The following CDC34 variants were observed in gnomAD, a reference collection of about 807,000 sequenced individuals.
CDC34 encodes the protein cell division cycle 34, ubiquitin conjugating enzyme, also known as ubiquitin-conjugating enzyme E2 R1.
Under a neutral mutation model 26.8 loss-of-function variants are expected in CDC34, and 18 were observed. The ratio of observed to expected loss-of-function variants is 0.67; its 90% confidence interval spans 0.47 to 1.00. The LOEUF (loss-of-function observed/expected upper bound fraction) is 1.00. Among genes scored for constraint, CDC34 ranks in the 50% least tolerant of loss-of-function variants. The pLI is 0.00. For synonymous variants in CDC34, 178 were observed against 147.5 expected (o/e 1.21, Z -1.50); for missense variants, 280 against 334.5 (o/e 0.84, Z 1.27).
rs919721981 is a variant in CDC34 at position 541,957 on chromosome 19, G to A, written c.*405G>A. 11 of 163,998 alleles carry A rather than the reference G, an allele frequency of 6.7e-5. No homozygotes were observed. The highest frequency in any genetic ancestry group is 4.2e-4 in the Admixed American group (7 of 16,790). 10.2% of individuals were successfully genotyped at this position (163,998 alleles called of 1,614,324 possible). On this transcript the variant is annotated 3_prime_UTR_variant, in exon 5 of 5. Coordinates refer to ENST00000215574, the MANE Select transcript of CDC34 (RefSeq NM_004359.2). ...CTGGGAGGCCCAGGTGTAGCGGTCC[G>A]AGGGGCCCGGTCCTGCCTGTCAGCT...
At chr19:537,392 A>G (rs1469406815) in intron 4 of CDC34, among the ~76,000 whole-genome samples, 2 of 152,020 alleles carry the variant, frequency 1.3e-5, no homozygotes, top group African/African-American at 2.4e-5. Flanking sequence ...TCTCTCTGTC[A>G]CCCAGGCTGG....
chr19:533,260 C>G (rs946234736), intron 1 of CDC34, among the ~76,000 whole-genome samples: 1 of 152,172 alleles, frequency 6.6e-6, no homozygotes, highest in African/African-American at 2.4e-5. Context: ...TGCCAAGAGC[C>G]TGGACACGAC....
chr19:533,364 C>T (rs549728138), intron 1 of CDC34, among the ~76,000 whole-genome samples: 1 of 152,340 alleles, frequency 6.6e-6, no homozygotes, highest in African/African-American at 2.4e-5. Flanking sequence ...GTCTGCTCTC[C>T]GAGCTAATTA....
chr19:537,140 A>T lies in CDC34; in HGVS notation c.490A>T (p.Ile164Phe). 1 of 1,613,262 alleles carries T rather than the reference A, an allele frequency of 6.2e-7. No individual in the cohort carries two copies. The highest frequency in any genetic ancestry group is 8.5e-7 in the Non-Finnish European group (1 of 1,179,896). The part of the protein sequence containing the change: ...SKGKDREYTD[I>F]IRKQVLGTKV... ...GGGGAAGGATCGGGAGTACACAGAC[A>T]TCATCCGGTGAGGGCGGGCGGGGGC... is the stretch of plus-strand genomic sequence containing the variant. Residue 164 changes from isoleucine (I) to phenylalanine (F), a missense_variant, in exon 4 of 5, where the codon ATC (isoleucine) becomes TTC (phenylalanine). Coordinates refer to ENST00000215574, the MANE Select transcript of CDC34 (RefSeq NM_004359.2).
intron 1 of CDC34, among the ~76,000 whole-genome samples, chr19:535,284 C>T (rs1425197744): frequency 1.3e-5 from 2 of 152,258 alleles, no homozygotes; most frequent in East Asian, 3.8e-4. Flanking sequence ...GACCGGACAC[C>T]TGAGGGCAGA....
chr19:540,089 TTTAGAATCCGGAGGCCGGGGTGGCCAGGC>T (rs2145852651), intron 4 of CDC34, among the ~76,000 whole-genome samples: 1 of 99,162 alleles, frequency 1.0e-5, no homozygotes, highest in Non-Finnish European at 2.3e-5. Context: ...GCCCCCCAGG[TTTAGAATCCGGAGGCCGGGGTGGCCAGGC>T]CCCCCACGTT....
rs890788008 is a variant in CDC34 at position 537,222 on chromosome 19, G to A, written c.497+75G>A. ...CACCCCGGCCCCTGGTCCCACGGCC[G>A]CCCAGCCCCACCTTCCTGGTGAGGG... On this transcript the variant is annotated intron_variant, in intron 4 of 4. Transcript: ENST00000215574. The A allele has an allele frequency of 1.2e-5, 19 of 1,539,664 alleles. No homozygotes were observed. The African/African-American group carries it at 1.9e-4, about 15-fold the overall frequency.
In CDC34 at chr19:541,685, C is replaced by T. The variant is rs7150; in HGVS notation, c.*133C>T. On this transcript the variant is annotated 3_prime_UTR_variant, in exon 5 of 5. Coordinates refer to ENST00000215574, the MANE Select transcript of CDC34 (RefSeq NM_004359.2). ...GTTGTTTCGTTTTGGCTTTTTCTCC[C>T]TCCCCATGTCTGTTCTGGGTTTTCA... The T allele has an allele frequency of 0.43, 429,634 of 989,502 alleles. 98,942 individuals carry two copies. Among genetic ancestry groups the T allele is most frequent in the East Asian group, 0.59 (20,911 of 35,390 alleles). 61.3% of individuals were successfully genotyped at this position (989,502 alleles called of 1,614,324 possible).
chr19:538,499 C>T (rs146359513), intron 4 of CDC34, among the ~76,000 whole-genome samples: 4 of 151,280 alleles, frequency 2.6e-5, no homozygotes, highest in Admixed American at 1.3e-4. Context: ...CTTAATGGTT[C>T]CTGCTCTTCC....
Position 537,651 on chromosome 19 carries a change from C to CTTTTT in CDC34, c.497+521_497+525dup, listed in dbSNP as rs773623358. On this transcript the variant is annotated intron_variant, in intron 4 of 4. Transcript: ENST00000215574. ...ACAGGCGTGAGCCACCGCGGCCGGC[C>CTTTTT]TTTTTTTTTTTTTTTTTTTTTGGAG... Among the ~76,000 whole-genome samples the CTTTTT allele has an allele frequency of 3.9e-4, 26 of 67,084 alleles. 4 individuals are homozygous for CTTTTT. Among genetic ancestry groups the CTTTTT allele is most frequent in the African/African-American group, 7.1e-4 (13 of 18,384 alleles). 44.0% of individuals were successfully genotyped at this position (67,084 alleles called of 152,430 possible).
intron 3 of CDC34, 181 bp downstream of exon 3, chr19:536,521 C>T (rs1979760271): frequency 1.2e-5 from 7 of 597,176 alleles, no homozygotes; most frequent in South Asian, 4.0e-5. Flanking sequence ...GGTGCTTTCA[C>T]GGGGCCTGCG....
chr19:532,783 G>T (rs1461306683), intron 1 of CDC34, among the ~76,000 whole-genome samples: 1 of 152,180 alleles, frequency 6.6e-6, no homozygotes, highest in East Asian at 1.9e-4. Context: ...TGTAACCTGC[G>T]CCCTCGGGAA....
At chr19:532,659 G>A (rs1010945402) in intron 1 of CDC34, among the ~76,000 whole-genome samples, 1 of 152,226 alleles carries the variant, frequency 6.6e-6, no homozygotes, top group East Asian at 1.9e-4. Flanking sequence ...GCGGCCACTC[G>A]CTCAGTCTCC....
In CDC34 at chr19:532,091, G is replaced by A; in HGVS notation, c.160G>A (p.Glu54Lys). 2 of 1,516,872 alleles carry A rather than the reference G, an allele frequency of 1.3e-6. No homozygotes were observed. Among genetic ancestry groups the A allele is most frequent in the Non-Finnish European group, 1.8e-6 (2 of 1,141,722 alleles). 94.0% of individuals were successfully genotyped at this position (1,516,872 alleles called of 1,614,324 possible). Reference sequence around the variant, plus strand: ...CTTCGGGCCCCCCAACACCTACTACGAGGGCGGCTACTTCAAGGTGAGCGC... The same window carrying A: ...CTTCGGGCCCCCCAACACCTACTACAAGGGCGGCTACTTCAAGGTGAGCGC... ...AIFGPPNTYY[E>K]GGYFKARLKF... The change falls in exon 1 of 5, where the codon GAG becomes AAG. Residue 54 changes from glutamate to lysine, a missense_variant. By Grantham distance (56) the Glu-to-Lys change is moderately conservative. Coordinates refer to ENST00000215574, the MANE Select transcript of CDC34 (RefSeq NM_004359.2).
chr19:533,422 C>T (rs1459272701), intron 1 of CDC34, among the ~76,000 whole-genome samples: 1 of 152,232 alleles, frequency 6.6e-6, no homozygotes, highest in Non-Finnish European at 1.5e-5. Context: ...GCAGCCTGGT[C>T]TGCTGGGGGC....
Position 536,610 on chromosome 19 carries a change from A to G in CDC34, c.362+270A>G, listed in dbSNP as rs892202. On this transcript the variant is annotated intron_variant, in intron 3 of 4. Coordinates refer to ENST00000215574, the MANE Select transcript of CDC34 (RefSeq NM_004359.2). ...TGGAACCACCTAGAGGTGTCCCGCC[A>G]TCCTCAGTCCTGGGGCCTTCTCCTT... is the stretch of plus-strand genomic sequence containing the variant. The G allele has an allele frequency of 2.7e-3, 1,532 of 565,216 alleles. 22 individuals carry two copies. Among genetic ancestry groups the G allele is most frequent in the African/African-American group, 0.026 (1,373 of 53,262 alleles). 35.0% of individuals were successfully genotyped at this position (565,216 alleles called of 1,614,324 possible).
rs146546301 is a variant in CDC34 at position 536,782 on chromosome 19, C to T, written c.363-231C>T. On this transcript the variant is annotated intron_variant, in intron 3 of 4. Coordinates refer to ENST00000215574, the MANE Select transcript of CDC34 (RefSeq NM_004359.2). ...GGTGTGAGGGCAGCCCCGGGTCTGA[C>T]GGAGGGGTCTGCACCTTGCTGCCCT... The T allele has an allele frequency of 1.5e-3, 883 of 581,576 alleles. 5 individuals are homozygous for T. Among genetic ancestry groups the T allele is most frequent in the African/African-American group, 0.014 (753 of 53,604 alleles). The allele number at this position is 581,576 out of a possible 1,614,324, so 36.0% of individuals were successfully genotyped here.
rs890891625 is a variant in CDC34, at chr19:537,391, C to T, written c.497+244C>T. ...TGTTTGAGACAGAGTCTCTCTCTGTCACCCAGGCTGGAGTGCAGTGGCGCG... is the reference window on the plus strand; with the variant it reads ...TGTTTGAGACAGAGTCTCTCTCTGTTACCCAGGCTGGAGTGCAGTGGCGCG... On this transcript the variant is annotated intron_variant, in intron 4 of 4. Transcript: ENST00000215574. Among the ~76,000 whole-genome samples, 10 of 152,288 alleles carry T rather than the reference C, an allele frequency of 6.6e-5. No homozygotes were observed. In the South Asian group the frequency reaches 2.1e-3, roughly 32 times the overall value.
chr19:538,118 A>G (rs1979845982), intron 4 of CDC34, among the ~76,000 whole-genome samples: 1 of 151,834 alleles, frequency 6.6e-6, no homozygotes, highest in South Asian at 2.1e-4. Context: ...GTGTGTGCCC[A>G]GTGACTGACT....
Sources: gnomAD v4.1 joint callset for allele counts (sites outside exome capture counted in the v4.1 genomes callset) on GRCh38, gnomAD v4.1.1 for gene constraint, MANE v1.5 for transcripts, NCBI Gene and HGNC (gene_info 2026-07-23, HGNC 2026-07-21) for gene names.